Variants in PDZRN4 observed in about 807,000 individuals in gnomAD.
PDZRN4 encodes the protein PDZ domain containing ring finger 4.
In PDZRN4, 70 loss-of-function variants were observed where a neutral mutation model predicts 99.0. The ratio of observed to expected loss-of-function variants is 0.71; its 90% confidence interval spans 0.58 to 0.86. The LOEUF is 0.86. Ranked by LOEUF, PDZRN4 falls within the 40% of genes least tolerant of loss-of-function variation. The pLI is 0.00. For synonymous variants in PDZRN4, 551 were observed against 501.6 expected (o/e 1.10, Z -1.32); for missense variants, 1,474 against 1,331.2 (o/e 1.11, Z -1.67).
intron 8 of PDZRN4, among the ~76,000 whole-genome samples, chr12:41,566,045 G>A (rs180915315): frequency 6.6e-6 from 1 of 152,304 alleles, no homozygotes; most frequent in Admixed American, 6.5e-5. Context: ...AAGTGAGCAA[G>A]AAGAATCTCC....
intron 3 of PDZRN4, among the ~76,000 whole-genome samples, chr12:41,258,746 T>A (rs1951218992): frequency 6.6e-6 from 1 of 152,148 alleles, no homozygotes; most frequent in Admixed American, 6.5e-5. Context: ...ATGGGGTTTA[T>A]ATTCTATTAG....
At chr12:41,370,288 C>T (rs889016674) in intron 3 of PDZRN4, among the ~76,000 whole-genome samples, 1 of 151,852 alleles carries the variant, frequency 6.6e-6, no homozygotes, top group African/African-American at 2.4e-5. Context: ...CAACTTCTTG[C>T]ATTTTGTTTT....
At chr12:41,549,409 C>G (rs1939016217) in intron 5 of PDZRN4, among the ~76,000 whole-genome samples, 1 of 152,174 alleles carries the variant, frequency 6.6e-6, no homozygotes, top group Non-Finnish European at 1.5e-5. Flanking sequence ...ACAAAATTGT[C>G]TACAGGTAGC....
Position 41,340,533 on chromosome 12 carries a change from G to A in PDZRN4, c.843+146345G>A, listed in dbSNP as rs565342430. 1.6e-3 allele frequency among the ~76,000 whole-genome samples: 245 copies of A among 151,846 alleles called. 1 individual carries two copies. Among genetic ancestry groups the A allele is most frequent in the Non-Finnish European group, 2.8e-3 (189 of 67,870 alleles). Reference sequence around the variant, plus strand: ...ATCTAGTATTTGATAGCACAGCAGGGTTACTACAGTCAACATTAATTTACT... The same window carrying A: ...ATCTAGTATTTGATAGCACAGCAGGATTACTACAGTCAACATTAATTTACT... On this transcript the variant is annotated intron_variant, in intron 3 of 9. Transcript: ENST00000402685.
chr12:41,509,957 C>A lies in PDZRN4; in HGVS notation c.1203+44C>A, dbSNP rs7970526. Reference sequence around the variant, plus strand: ...CACTTCACATTTCTTCATGAAGTTACGGTTGAGGGGTTTTGTATAACAAAG... The same window carrying A: ...CACTTCACATTTCTTCATGAAGTTAAGGTTGAGGGGTTTTGTATAACAAAG... On this transcript the variant is annotated intron_variant, in intron 5 of 9. Transcript: ENST00000402685. 16 of 907,264 alleles carry A rather than the reference C, an allele frequency of 1.8e-5. No individual in the cohort carries two copies. In the East Asian group the frequency reaches 3.2e-4, roughly 18 times the overall value. The allele number at this position is 907,264 out of a possible 1,614,324, so 56.2% of individuals were successfully genotyped here. A position where few individuals can be genotyped will look rare whatever the true frequency, so the allele number is the denominator to read the frequency against.
At chr12:41,298,989 T>C (rs1425775077) in intron 3 of PDZRN4, among the ~76,000 whole-genome samples, 2 of 152,062 alleles carry the variant, frequency 1.3e-5, no homozygotes, top group African/African-American at 2.4e-5. Flanking sequence ...TGTTTTCTAA[T>C]TCCTATTATT....
intron 3 of PDZRN4, among the ~76,000 whole-genome samples, chr12:41,320,509 C>T (rs1186626169): frequency 6.6e-6 from 1 of 152,168 alleles, no homozygotes; most frequent in Non-Finnish European, 1.5e-5. Context: ...ACCCTATTCA[C>T]ATTGTCTTGA....
At chr12:41,326,479 A>T (rs933377712) in intron 3 of PDZRN4, among the ~76,000 whole-genome samples, 2 of 152,196 alleles carry the variant, frequency 1.3e-5, no homozygotes, top group African/African-American at 4.8e-5. Context: ...AAATCACAAA[A>T]ATTGTTCCAT....
At chr12:41,312,798 G>C (rs1951615722) in intron 3 of PDZRN4, among the ~76,000 whole-genome samples, 1 of 151,880 alleles carries the variant, frequency 6.6e-6, no homozygotes, top group African/African-American at 2.4e-5. Flanking sequence ...GGTGAGATTT[G>C]AGTGTGGACA....
At chr12:41,546,676 CTG>C in intron 5 of PDZRN4, among the ~76,000 whole-genome samples, 1 of 152,194 alleles carries the variant, frequency 6.6e-6, no homozygotes, top group East Asian at 1.9e-4. Context: ...CTACATCTAA[CTG>C]TGAATTTCAA....
At chr12:41,293,579 C>G (rs1951471092) in intron 3 of PDZRN4, among the ~76,000 whole-genome samples, 3 of 151,956 alleles carry the variant, frequency 2.0e-5, no homozygotes, top group African/African-American at 7.2e-5. Context: ...CCTCCTGTTT[C>G]GAAAAAGCAA....
At chr12:41,201,161 T>C (rs1950813507) in intron 3 of PDZRN4, among the ~76,000 whole-genome samples, 2 of 43,584 alleles carry the variant, frequency 4.6e-5, no homozygotes, top group Admixed American at 3.4e-4. Flanking sequence ...ACTTTCTTTG[T>C]GCAATTAAAA....
At position 41,438,140 on chromosome 12, in the gene PDZRN4, G is replaced by A. The variant is rs2120458896; in HGVS notation, c.844-68316G>A. 8 of 1,140,080 alleles carry A rather than the reference G, an allele frequency of 7.0e-6. No individual in the cohort carries two copies. In the South Asian group the frequency reaches 1.2e-4, roughly 17 times the overall value. 70.6% of individuals were successfully genotyped at this position (1,140,080 alleles called of 1,614,324 possible). On this transcript the variant is annotated intron_variant, in intron 3 of 9. Coordinates refer to ENST00000402685, the MANE Select transcript of PDZRN4 (RefSeq NM_001164595.2). ...TTTCAGAATTGAGGGCAGACTTGCT[G>A]GTTTGGGGCTTTTAATTTTGGTTTT... is the stretch of plus-strand genomic sequence containing the variant.
chr12:41,322,487 C>CTTTTTT (rs71081724), intron 3 of PDZRN4, among the ~76,000 whole-genome samples: 1,207 of 91,092 alleles, frequency 0.013, 33 homozygotes, highest in East Asian at 0.028. Flanking sequence ...ATTTTCTTTC[C>CTTTTTT]TTTTTTTTTT....
chr12:41,411,906 GA>G (rs1282102235), intron 3 of PDZRN4: 1 of 152,144 alleles, frequency 6.6e-6, no homozygotes, highest in Non-Finnish European at 1.5e-5. Flanking sequence ...AAGAAGTTGA[GA>G]AGAAAGGTTA....
chr12:41,279,734 G>C (rs1267163456), intron 3 of PDZRN4, among the ~76,000 whole-genome samples: 2 of 152,136 alleles, frequency 1.3e-5, no homozygotes, highest in African/African-American at 4.8e-5. Context: ...GAAGACATGG[G>C]TTGAAACAAA....
chr12:41,345,752 T>C (rs1297316854), intron 3 of PDZRN4, among the ~76,000 whole-genome samples: 1 of 152,158 alleles, frequency 6.6e-6, no homozygotes, highest in Non-Finnish European at 1.5e-5. Flanking sequence ...CCCCAATTTT[T>C]GTATTGGAAT....
At chr12:41,349,249 A>G (rs1298536439) in intron 3 of PDZRN4, among the ~76,000 whole-genome samples, 1 of 151,878 alleles carries the variant, frequency 6.6e-6, no homozygotes, top group African/African-American at 2.4e-5. Context: ...TTTTCACTGT[A>G]TTATTTAAGA....
chr12:41,264,903 A>G (rs1951266312), intron 3 of PDZRN4, among the ~76,000 whole-genome samples: 1 of 152,180 alleles, frequency 6.6e-6, no homozygotes, highest in African/African-American at 2.4e-5. Context: ...ACTCATGAAC[A>G]TAAAGATGGA....
Sources: gnomAD v4.1 joint callset for allele counts (sites outside exome capture counted in the v4.1 genomes callset) on GRCh38, gnomAD v4.1.1 for gene constraint, MANE v1.5 for transcripts, NCBI Gene and HGNC (gene_info 2026-07-23, HGNC 2026-07-21) for gene names.